Variants in RALGAPA2 observed in about 807,000 individuals in gnomAD.
The protein encoded by RALGAPA2 is ral GTPase-activating protein subunit alpha-2.
RALGAPA2 carries 139 observed loss-of-function variants against 230.4 expected under a neutral mutation model. The observed-to-expected ratio is 0.60, with a 90% CI of 0.53 to 0.69. The LOEUF is 0.69. Ranked by LOEUF, RALGAPA2 falls within the 30% of genes least tolerant of loss-of-function variation. The probability of loss-of-function intolerance (pLI) is 0.00; values close to 1 mark genes in which losing one functional copy is unlikely to be tolerated. For synonymous variants in RALGAPA2, 847 were observed against 837.8 expected (o/e 1.01, Z -0.19); for missense variants, 2,163 against 2,276.0 (o/e 0.95, Z 1.01).
chr20:20,579,019 G>A (rs543015535), intron 20 of RALGAPA2, among the ~76,000 whole-genome samples: 5 of 152,270 alleles, frequency 3.3e-5, no homozygotes, highest in East Asian at 1.9e-4. Context: ...AAATATAGGC[G>A]ATGACAGAGA....
chr20:20,695,018 A>AT (rs1482119678), intron 1 of RALGAPA2, among the ~76,000 whole-genome samples: 1 of 152,162 alleles, frequency 6.6e-6, no homozygotes, highest in South Asian at 2.1e-4. Flanking sequence ...CGAGAAAGGG[A>AT]TTTTTTTCAA....
At chr20:20,415,317 A>G (rs576765279) in intron 37 of RALGAPA2, among the ~76,000 whole-genome samples, 3 of 152,378 alleles carry the variant, frequency 2.0e-5, no homozygotes, top group Non-Finnish European at 4.4e-5. Context: ...TTTCACTGAA[A>G]GAGGCACCAG....
At chr20:20,668,438 A>G (rs1314469679) in intron 3 of RALGAPA2, among the ~76,000 whole-genome samples, 1 of 152,122 alleles carries the variant, frequency 6.6e-6, no homozygotes, top group African/African-American at 2.4e-5. Flanking sequence ...AAAAGTAACA[A>G]AGGATTGTTA....
intron 11 of RALGAPA2, 124 bp from the exon 12 acceptor site, chr20:20,619,538 T>A: frequency 1.3e-6 from 1 of 782,430 alleles, no homozygotes; most frequent in Non-Finnish European, 1.6e-6. Flanking sequence ...TTTAATTCCT[T>A]AAACTCACCA....
At chr20:20,401,408 C>T (rs2059834340) in intron 38 of RALGAPA2, among the ~76,000 whole-genome samples, 1 of 152,138 alleles carries the variant, frequency 6.6e-6, no homozygotes, top group Admixed American at 6.5e-5. Flanking sequence ...AACCTCACAC[C>T]ACCCTCAAAG....
chr20:20,657,005 A>G (rs2067611788), intron 3 of RALGAPA2, among the ~76,000 whole-genome samples: 1 of 152,192 alleles, frequency 6.6e-6, no homozygotes, highest in African/African-American at 2.4e-5. Flanking sequence ...TGGTTCTTTA[A>G]CTCAAACTTT....
At chr20:20,509,692 AGAAAAGAAAAGAAAAAAT>A (rs1365492980) in intron 33 of RALGAPA2, among the ~76,000 whole-genome samples, 1 of 152,212 alleles carries the variant, frequency 6.6e-6, no homozygotes, top group Non-Finnish European at 1.5e-5. Flanking sequence ...AGAAGGGTGA[AGAAAAGAAAAGAAAAAAT>A]GAAAAGAAAA....
intron 4 of RALGAPA2, among the ~76,000 whole-genome samples, chr20:20,645,177 C>T (rs1379450026): frequency 1.2e-4 from 16 of 128,652 alleles, no homozygotes; most frequent in Non-Finnish European, 2.0e-4. Context: ...TGCAGTGGTA[C>T]GATCTCGGCT....
intron 15 of RALGAPA2, among the ~76,000 whole-genome samples, chr20:20,602,614 C>G (rs2146214329): frequency 6.6e-6 from 1 of 152,312 alleles, no homozygotes; most frequent in Admixed American, 6.5e-5. Flanking sequence ...CCTTAGAAGG[C>G]AAGTGTTTCT....
At chr20:20,705,731 C>T (rs1280294297) in intron 1 of RALGAPA2, among the ~76,000 whole-genome samples, 1 of 151,878 alleles carries the variant, frequency 6.6e-6, no homozygotes, top group African/African-American at 2.4e-5. Context: ...TGCAGTGGTG[C>T]GATCTCTGCT....
intron 20 of RALGAPA2, among the ~76,000 whole-genome samples, chr20:20,582,386 A>G (rs1178579307): frequency 6.6e-6 from 1 of 152,178 alleles, no homozygotes; most frequent in Non-Finnish European, 1.5e-5. Flanking sequence ...AATTCCTCGG[A>G]GGTGCCTGGA....
At chr20:20,615,330 T>C (rs2066104764) in intron 13 of RALGAPA2, among the ~76,000 whole-genome samples, 2 of 151,994 alleles carry the variant, frequency 1.3e-5, no homozygotes, top group African/African-American at 4.8e-5. Context: ...CTGGCTAATT[T>C]TTTGTATTTT....
At chr20:20,415,948 ACAGT>A (rs918824791) in intron 37 of RALGAPA2, among the ~76,000 whole-genome samples, 11 of 152,282 alleles carry the variant, frequency 7.2e-5, no homozygotes, top group African/African-American at 2.4e-4. Context: ...TAGCAGCATG[ACAGT>A]CAGGAAGGAG....
intron 31 of RALGAPA2, among the ~76,000 whole-genome samples, chr20:20,517,073 A>G (rs2062894332): frequency 6.6e-6 from 1 of 152,070 alleles, no homozygotes; most frequent in Non-Finnish European, 1.5e-5. Context: ...ACACAACTGG[A>G]ACTTCTCCCA....
At chr20:20,679,565 A>T (rs2068451040) in intron 2 of RALGAPA2, among the ~76,000 whole-genome samples, 1 of 152,206 alleles carries the variant, frequency 6.6e-6, no homozygotes, top group Non-Finnish European at 1.5e-5. Flanking sequence ...GGCTCCTTGC[A>T]AGCATTATCT....
At position 20,572,989 on chromosome 20, in the gene RALGAPA2, A is replaced by G; in HGVS notation, c.2787T>C (p.Ala929=). The change falls in exon 21 of 40, where the codon GCT becomes GCC. Residue 929 remains alanine, a synonymous_variant. Transcript: ENST00000202677. ...SLTGWHPDSA[A]VLWRRVLGIL... Reference sequence around the variant, plus strand: ...TCCCCAAGACCCTTCGCCATAACACAGCAGCAGAGTCTGGGTGCCAACCAG... The same window carrying G: ...TCCCCAAGACCCTTCGCCATAACACGGCAGCAGAGTCTGGGTGCCAACCAG... The G allele has an allele frequency of 6.2e-7, 1 of 1,610,018 alleles. No individual in the cohort carries two copies.
chr20:20,438,029 T>C (rs953234513), intron 37 of RALGAPA2, among the ~76,000 whole-genome samples: 1 of 152,212 alleles, frequency 6.6e-6, no homozygotes, highest in South Asian at 2.1e-4. Flanking sequence ...ATGGACCCCA[T>C]GGGGATCTTC....
chr20:20,429,156 A>G (rs2060451579), intron 37 of RALGAPA2, among the ~76,000 whole-genome samples: 1 of 152,210 alleles, frequency 6.6e-6, no homozygotes, highest in South Asian at 2.1e-4. Flanking sequence ...TAAAGCAGAG[A>G]CAGGCAACAA....
chr20:20,535,899 T>C, intron 25 of RALGAPA2, 96 bp from the exon 26 acceptor site: 1 of 1,450,220 alleles, frequency 6.9e-7, no homozygotes, highest in Non-Finnish European at 9.1e-7. Flanking sequence ...GCTACTGAAG[T>C]TCGACCAGGG....
Sources: gnomAD v4.1 joint callset for allele counts (sites outside exome capture counted in the v4.1 genomes callset) on GRCh38, gnomAD v4.1.1 for gene constraint, MANE v1.5 for transcripts, NCBI Gene and HGNC (gene_info 2026-07-23, HGNC 2026-07-21) for gene names.